The following AOPEP variants were observed in gnomAD, a reference collection of about 807,000 sequenced individuals.
AOPEP encodes aminopeptidase O (putative), also known as aminopeptidase O.
In AOPEP, 77 loss-of-function variants were observed where a neutral mutation model predicts 98.1. The observed-to-expected ratio is 0.78, with a 90% CI of 0.65 to 0.95. AOPEP has a LOEUF of 0.95. Among genes scored for constraint, AOPEP ranks in the 40% least tolerant of loss-of-function variants. AOPEP has a pLI of 0.00. For synonymous variants in AOPEP, 346 were observed against 365.3 expected (o/e 0.95, Z 0.60); for missense variants, 1,024 against 1,024.7 (o/e 1.00, Z 0.01).
chr9:95,083,456 G>A (rs887041225), intron 16 of AOPEP, among the ~76,000 whole-genome samples: 16 of 139,640 alleles, frequency 1.1e-4, no homozygotes, highest in Middle Eastern at 4.3e-3. Flanking sequence ...AACAGCGCAC[G>A]CACCACACAG....
chr9:94,767,025 A>G (rs953621777), intron 2 of AOPEP, among the ~76,000 whole-genome samples: 1 of 151,968 alleles, frequency 6.6e-6, no homozygotes, highest in East Asian at 1.9e-4. Context: ...TAATTTCATT[A>G]TTTTATATCT....
chr9:95,006,510 C>T lies in AOPEP; in HGVS notation c.2115+894C>T, dbSNP rs551094254. ...GCAGCGTCCGAGAATGTGCACAAAG[C>T]ACATCAGAATAAAGGTGATCCCAGA... On this transcript the variant is annotated intron_variant, in intron 13 of 16. Coordinates refer to ENST00000375315, the MANE Select transcript of AOPEP (RefSeq NM_001193329.3). Among the ~76,000 whole-genome samples the T allele has an allele frequency of 1.3e-4, 20 of 152,258 alleles. No individual in the cohort carries two copies. In the South Asian group the frequency reaches 3.9e-3, roughly 30 times the overall value.
At chr9:94,950,061 G>A (rs745965522) in intron 7 of AOPEP, among the ~76,000 whole-genome samples, 8 of 152,206 alleles carry the variant, frequency 5.3e-5, no homozygotes, top group Non-Finnish European at 1.2e-4. Context: ...TTTGTGTGTG[G>A]TGTCATTAAA....
intron 13 of AOPEP, among the ~76,000 whole-genome samples, chr9:95,043,190 A>G (rs2133617304): frequency 6.6e-6 from 1 of 151,998 alleles, no homozygotes; most frequent in East Asian, 1.9e-4. Context: ...AACTACCATC[A>G]GGAAAATGTA....
At chr9:94,977,545 A>C (rs1363192628) in intron 10 of AOPEP, among the ~76,000 whole-genome samples, 1 of 152,182 alleles carries the variant, frequency 6.6e-6, no homozygotes, top group Non-Finnish European at 1.5e-5. Context: ...CAATGACCTC[A>C]TAGAAGGTGC....
At chr9:94,741,901 A>G (rs1221422134) in intron 1 of AOPEP, among the ~76,000 whole-genome samples, 1 of 152,158 alleles carries the variant, frequency 6.6e-6, no homozygotes, top group Non-Finnish European at 1.5e-5. Flanking sequence ...AGGGTTATGC[A>G]CTAATGATTA....
chr9:94,841,940 C>G (rs2042320463), intron 5 of AOPEP, among the ~76,000 whole-genome samples: 1 of 152,084 alleles, frequency 6.6e-6, no homozygotes, highest in Admixed American at 6.5e-5. Context: ...GTGGTCCCAG[C>G]TACTTAGGAG....
chr9:94,894,693 G>A (rs896281736), intron 5 of AOPEP, among the ~76,000 whole-genome samples: 7 of 152,168 alleles, frequency 4.6e-5, no homozygotes, highest in Non-Finnish European at 7.3e-5. Context: ...TTCAAATTAT[G>A]TTTATGACCA....
the AOPEP span, chr9:95,127,562 C>T: frequency 6.6e-6 from 1 of 152,272 alleles, no homozygotes; most frequent in African/African-American, 2.4e-5. Context: ...GGCGGGAAGG[C>T]TAGGGGCTCC....
rs902014377 is a variant in AOPEP, at chr9:94,990,095, G to A, written c.1977+10668G>A. Among the ~76,000 whole-genome samples the A allele has an allele frequency of 1.5e-4, 23 of 152,314 alleles. No homozygotes were observed. In the East Asian group the frequency reaches 3.5e-3, roughly 23 times the overall value. On this transcript the variant is annotated intron_variant, in intron 11 of 16. Coordinates refer to ENST00000375315, the MANE Select transcript of AOPEP (RefSeq NM_001193329.3). ...CTCCACCCCAGAGTTTGAGACCTGC[G>A]AAGAACTGTAGAGGTTGATGTCTTG...
intron 16 of AOPEP, among the ~76,000 whole-genome samples, chr9:95,084,857 G>C (rs2070412372): frequency 6.6e-6 from 1 of 152,164 alleles, no homozygotes; most frequent in African/African-American, 2.4e-5. Flanking sequence ...CTCCTGACTT[G>C]AGAGTCCCCA....
intron 3 of AOPEP, among the ~76,000 whole-genome samples, chr9:94,781,700 A>G (rs973423261): frequency 5.3e-5 from 8 of 151,214 alleles, no homozygotes; most frequent in African/African-American, 1.7e-4. Flanking sequence ...AGCTGGGACT[A>G]CAGGCACCCG....
chr9:95,020,918 C>CAAAAAAAAAAAA (rs55696602), intron 13 of AOPEP, among the ~76,000 whole-genome samples: 5 of 73,340 alleles, frequency 6.8e-5, no homozygotes, highest in Admixed American at 1.9e-4. Flanking sequence ...GACCTTGTCT[C>CAAAAAAAAAAAA]AAAAAAAAAA....
At chr9:95,004,933 C>G (rs2061844326) in intron 11 of AOPEP, 1 of 145,598 alleles carries the variant, frequency 6.9e-6, no homozygotes, top group African/African-American at 2.5e-5. Context: ...GCTCGGTGCC[C>G]GCCCGCCCGC....
chr9:95,016,444 T>C (rs373631209), intron 13 of AOPEP, among the ~76,000 whole-genome samples: 1 of 151,586 alleles, frequency 6.6e-6, no homozygotes, highest in African/African-American at 2.4e-5. Flanking sequence ...GGTTTCATCA[T>C]GTTGACCAGG....
chr9:94,741,697 A>T (rs1833165581), intron 1 of AOPEP, among the ~76,000 whole-genome samples: 1 of 152,066 alleles, frequency 6.6e-6, no homozygotes, highest in African/African-American at 2.4e-5. Context: ...GAATAGATTA[A>T]GTTAGTAGTA....
chr9:94,931,723 A>G, intron 7 of AOPEP: 1 of 1,549,220 alleles, frequency 6.5e-7, no homozygotes, highest in Non-Finnish European at 8.7e-7. Flanking sequence ...AGGTTTCCAC[A>G]TGTTGGCGGA....
chr9:94,749,851 G>A (rs1416545811), intron 1 of AOPEP, among the ~76,000 whole-genome samples: 9 of 152,130 alleles, frequency 5.9e-5, no homozygotes, highest in Admixed American at 5.9e-4. Flanking sequence ...GTCCATTCAA[G>A]TTGGTCTCTA....
At chr9:94,910,873 T>G (rs2051931734) in intron 5 of AOPEP, among the ~76,000 whole-genome samples, 1 of 152,202 alleles carries the variant, frequency 6.6e-6, no homozygotes, top group Non-Finnish European at 1.5e-5. Flanking sequence ...TTTATGTAGT[T>G]CAACTTAAAG....
Sources: gnomAD v4.1 joint callset for allele counts (sites outside exome capture counted in the v4.1 genomes callset) on GRCh38, gnomAD v4.1.1 for gene constraint, MANE v1.5 for transcripts, NCBI Gene and HGNC (gene_info 2026-07-23, HGNC 2026-07-21) for gene names.